Variants in EDNRB observed in about 807,000 individuals in gnomAD.
EDNRB encodes endothelin receptor type B.
Under a neutral mutation model 46.4 loss-of-function variants are expected in EDNRB, and 18 were observed. The ratio of observed to expected loss-of-function variants is 0.39; its 90% CI spans 0.27 to 0.57. The LOEUF (loss-of-function observed/expected upper bound fraction) is 0.57. EDNRB is among the 20% of genes least tolerant of loss of function. EDNRB has a pLI of 0.61. For synonymous variants in EDNRB, 213 were observed against 204.9 expected (o/e 1.04, Z -0.34); for missense variants, 434 against 537.5 (o/e 0.81, Z 1.90).
At chr13:77,919,724 G>A, upstream of EDNRB, 2 of 1,065,426 alleles carry the variant, frequency 1.9e-6, no homozygotes, top group Admixed American at 2.4e-5. Context: ...TTGCCCGAGG[G>A]AGGGGGGCAG....
At chr13:77,903,728 C>T in intron 1 of EDNRB, 121 bp from the exon 2 acceptor site, 1 of 809,346 alleles carries the variant, frequency 1.2e-6, no homozygotes, top group South Asian at 1.5e-5. Flanking sequence ...CATTCTTTTT[C>T]TCATGGACTA....
chr13:77,934,591 T>C (rs1594383343), intron 1 of EDNRB, among the ~76,000 whole-genome samples: 1 of 150,212 alleles, frequency 6.7e-6, no homozygotes, highest in Non-Finnish European at 1.5e-5. Flanking sequence ...GACTAAGAGG[T>C]ATTTTAGTTA....
At chr13:77,972,799 A>G (rs1344205692) in intron 1 of EDNRB, among the ~76,000 whole-genome samples, 1 of 152,170 alleles carries the variant, frequency 6.6e-6, no homozygotes, top group Non-Finnish European at 1.5e-5. Flanking sequence ...ATAGATGAAA[A>G]GAGTTAAATT....
intron 1 of EDNRB, among the ~76,000 whole-genome samples, chr13:77,962,119 G>C (rs186894767): frequency 6.6e-6 from 1 of 152,212 alleles, no homozygotes; most frequent in African/African-American, 2.4e-5. Flanking sequence ...AACAGGCTCT[G>C]AAATTGAGGC....
At chr13:77,957,714 A>G (rs1449826833) in intron 1 of EDNRB, among the ~76,000 whole-genome samples, 1 of 152,210 alleles carries the variant, frequency 6.6e-6, no homozygotes, top group African/African-American at 2.4e-5. Flanking sequence ...AACTGCCTGC[A>G]CGTACACTTT....
rs1013425803 is a variant in EDNRB at position 77,903,520 on chromosome 13, T to A, written c.571A>T (p.Ser191Cys). ...CTGTCAATACTCAGAGCACATAGAC[T>A]CAGCACAGTGATTCCCACAGAGGCT... ...QKASVGITVL[S>C]LCALSIDRYR... The change falls in exon 2 of 7, where the codon AGT becomes TGT. Residue 191 changes from serine to cysteine, a missense_variant. By Grantham distance (112) the Ser-to-Cys change is moderately radical. Coordinates refer to ENST00000646607, the MANE Select transcript of EDNRB (RefSeq NM_001122659.3). The A allele has an allele frequency of 6.2e-7, 1 of 1,612,798 alleles. No individual in the cohort carries two copies. The highest frequency in any genetic ancestry group is 1.3e-5 in the African/African-American group (1 of 74,812).
chr13:77,916,498 C>T (rs1050197320), intron 1 of EDNRB, among the ~76,000 whole-genome samples: 3 of 152,144 alleles, frequency 2.0e-5, no homozygotes, highest in East Asian at 1.9e-4. Context: ...TTTCTTCAAT[C>T]GATTCCCCCA....
intron 1 of EDNRB, among the ~76,000 whole-genome samples, chr13:77,926,288 G>A (rs1320089862): frequency 6.6e-6 from 1 of 152,118 alleles, no homozygotes; most frequent in Admixed American, 6.5e-5. Flanking sequence ...CTTTTCTATT[G>A]CATCGTCAGG....
chr13:77,933,135 A>G (rs886888684), intron 1 of EDNRB, among the ~76,000 whole-genome samples: 5 of 152,252 alleles, frequency 3.3e-5, no homozygotes, highest in African/African-American at 1.2e-4. Context: ...AGCAACTCAT[A>G]TGCCCATTTC....
rs766452784 is a variant in EDNRB, at chr13:77,903,283, A to G, written c.674T>C (p.Ile225Thr). ...PKWTAVEIVL[I>T]WVVSVVLAVP... ...AGCCAGAACCACAGAGACCACCCAAATCAAAACAATTTCTACTGCTGTCCA... is the reference window on the plus strand; with the variant it reads ...AGCCAGAACCACAGAGACCACCCAAGTCAAAACAATTTCTACTGCTGTCCA... Residue 225 changes from isoleucine to threonine, a missense_variant, in exon 3 of 7, where the codon ATT (isoleucine) becomes ACT (threonine). Coordinates refer to ENST00000646607, the MANE Select transcript of EDNRB (RefSeq NM_001122659.3). 5 of 1,613,024 alleles carry G rather than the reference A, an allele frequency of 3.1e-6. No individual in the cohort carries two copies. Among genetic ancestry groups the G allele is most frequent in the Non-Finnish European group, 2.5e-6 (3 of 1,179,364 alleles).
rs549568637 is a variant in EDNRB at position 77,956,404 on chromosome 13, C to A, written c.-52+18943G>T. 2.0e-5 allele frequency among the ~76,000 whole-genome samples: 3 copies of A among 152,182 alleles called. No individual in the cohort carries two copies. In the South Asian group the frequency reaches 6.2e-4, roughly 32 times the overall value. ...TACTGAAATTATTTTTGCATCCCAT[C>A]GCTTTTTTTGTAGATACTTTGGAGC... On this transcript the variant is annotated intron_variant, in intron 1 of 7. Transcript: ENST00000646948.
At chr13:77,933,414 G>T (rs1024414001) in intron 1 of EDNRB, among the ~76,000 whole-genome samples, 2 of 152,188 alleles carry the variant, frequency 1.3e-5, no homozygotes, top group Non-Finnish European at 2.9e-5. Flanking sequence ...TGGCGGGCAG[G>T]AGTAGGGGTC....
chr13:77,960,493 G>C (rs1881372656), intron 1 of EDNRB, among the ~76,000 whole-genome samples: 1 of 152,142 alleles, frequency 6.6e-6, no homozygotes, highest in South Asian at 2.1e-4. Context: ...AATTCGGAGA[G>C]ATTTTGTCAC....
At chr13:77,962,399 C>T (rs866718582) in intron 1 of EDNRB, among the ~76,000 whole-genome samples, 15 of 152,058 alleles carry the variant, frequency 9.9e-5, no homozygotes, top group Non-Finnish European at 1.6e-4. Context: ...ACTGGCAAAG[C>T]GAATCCAGCA....
chr13:77,960,797 T>G (rs1881386244), intron 1 of EDNRB, among the ~76,000 whole-genome samples: 1 of 147,352 alleles, frequency 6.8e-6, no homozygotes, highest in Non-Finnish European at 1.5e-5. Flanking sequence ...GAGACCCATC[T>G]CACGTGCAGA....
At chr13:77,899,257 ATTAGGGGAGG>A (rs1440709055) in intron 6 of EDNRB, among the ~76,000 whole-genome samples, 1 of 151,914 alleles carries the variant, frequency 6.6e-6, no homozygotes, top group Non-Finnish European at 1.5e-5. Context: ...TGATTTTCAC[ATTAGGGGAGG>A]GGATATTTTA....
chr13:77,967,171 G>A (rs186286799), intron 1 of EDNRB, among the ~76,000 whole-genome samples: 4 of 152,190 alleles, frequency 2.6e-5, no homozygotes, highest in Admixed American at 2.6e-4. Flanking sequence ...TGACACACAA[G>A]CAAAAATACA....
chr13:77,947,952 T>C (rs1017793898), intron 1 of EDNRB, among the ~76,000 whole-genome samples: 5 of 152,052 alleles, frequency 3.3e-5, no homozygotes, highest in African/African-American at 1.2e-4. Context: ...CAATCAAATA[T>C]ATATGGTGAA....
chr13:77,971,579 A>T (rs1226594592), intron 1 of EDNRB, among the ~76,000 whole-genome samples: 1 of 140,856 alleles, frequency 7.1e-6, no homozygotes, highest in African/African-American at 2.8e-5. Context: ...TGGGGCCAAC[A>T]TGAGTTTTTT....
Sources: gnomAD v4.1 joint callset for allele counts (sites outside exome capture counted in the v4.1 genomes callset) on GRCh38, gnomAD v4.1.1 for gene constraint, MANE v1.5 for transcripts, NCBI Gene and HGNC (gene_info 2026-07-23, HGNC 2026-07-21) for gene names.